The following KCNIP4 variants were observed in gnomAD, a reference collection of about 807,000 sequenced individuals.
The protein encoded by KCNIP4 is potassium voltage-gated channel interacting protein 4.
KCNIP4 carries 12 observed loss-of-function variants against 34.0 expected under a neutral mutation model. The observed-to-expected ratio is 0.35, with a 90% CI of 0.23 to 0.57. The LOEUF (loss-of-function observed/expected upper bound fraction) is 0.57, where lower values mean the gene tolerates loss of function less well. Ranked by LOEUF, KCNIP4 falls within the 20% of genes least tolerant of loss-of-function variation. The probability of loss-of-function intolerance (pLI) is 0.83; values close to 1 mark genes in which losing one functional copy is unlikely to be tolerated. For missense variants in KCNIP4, 238 were observed against 311.7 expected, an observed-to-expected ratio of 0.76 and a Z score of 1.78; for synonymous variants, 124 against 102.2, an observed-to-expected ratio of 1.21 and a Z score of -1.29.
chr4:21,743,246 C>T (rs1426211781), intron 1 of KCNIP4, among the ~76,000 whole-genome samples: 1 of 152,066 alleles, frequency 6.6e-6, no homozygotes, highest in Non-Finnish European at 1.5e-5. Context: ...GGGTTGCATT[C>T]CTTCTGGAGG....
chr4:21,173,919 T>C (rs147212377), intron 1 of KCNIP4, among the ~76,000 whole-genome samples: 68 of 152,350 alleles, frequency 4.5e-4, no homozygotes, highest in African/African-American at 1.5e-3. Flanking sequence ...CTCTTGCTTA[T>C]GCTAAGGAGC....
chr4:21,061,822 A>G (rs540700527), intron 1 of KCNIP4, among the ~76,000 whole-genome samples: 1 of 152,132 alleles, frequency 6.6e-6, no homozygotes, highest in African/African-American at 2.4e-5. Flanking sequence ...TAATTAAGTT[A>G]AAATAGAGTC....
At chr4:20,977,409 A>T (rs746020259) in intron 1 of KCNIP4, among the ~76,000 whole-genome samples, 13 of 152,268 alleles carry the variant, frequency 8.5e-5, no homozygotes, top group Middle Eastern at 3.4e-3. Flanking sequence ...TCTCTGCAGC[A>T]TGTATTCTCT....
chr4:21,696,853 G>T (rs1712365264), intron 1 of KCNIP4, among the ~76,000 whole-genome samples: 1 of 152,014 alleles, frequency 6.6e-6, no homozygotes. Flanking sequence ...CTCACATTTT[G>T]CAAGGAACCC....
chr4:21,720,529 T>TTTTTTTTTTTTC (rs1714742217), intron 1 of KCNIP4, among the ~76,000 whole-genome samples: 1 of 107,474 alleles, frequency 9.3e-6, no homozygotes, highest in Non-Finnish European at 1.7e-5. Flanking sequence ...CTGTTTTTTT[T>TTTTTTTTTTTTC]CTTTTTTTTT....
chr4:21,928,701 A>C (rs1729401552), intron 1 of KCNIP4, among the ~76,000 whole-genome samples: 1 of 152,106 alleles, frequency 6.6e-6, no homozygotes, highest in Non-Finnish European at 1.5e-5. Context: ...GATTAAGCAA[A>C]GGATTATAAA....
intron 1 of KCNIP4, among the ~76,000 whole-genome samples, chr4:20,912,780 G>C (rs1027222408): frequency 6.6e-6 from 1 of 152,070 alleles, no homozygotes; most frequent in Non-Finnish European, 1.5e-5. Context: ...CACCTGTAAG[G>C]ATGCTCAAAA....
chr4:20,734,793 A>AAAAC (rs59030794), intron 5 of KCNIP4, 58 bp from the exon 6 acceptor site: 271,906 of 980,736 alleles, frequency 0.28, 44,122 homozygotes, highest in African/African-American at 0.43. Context: ...AAAAACAAAA[A>AAAAC]AAACAAATGA....
At chr4:21,697,784 C>T in intron 1 of KCNIP4, 1 of 462,536 alleles carries the variant, frequency 2.2e-6, no homozygotes, top group Middle Eastern at 8.9e-4. Flanking sequence ...TGCAACCTCA[C>T]AGACCATTCA....
At chr4:21,708,320 T>G (rs140230253) in intron 1 of KCNIP4, among the ~76,000 whole-genome samples, 193 of 152,274 alleles carry the variant, frequency 1.3e-3, no homozygotes, top group Middle Eastern at 6.8e-3. Flanking sequence ...GTACAATGTT[T>G]GGCCTATTTG....
intron 1 of KCNIP4, among the ~76,000 whole-genome samples, chr4:21,615,236 C>T (rs971259937): frequency 1.3e-5 from 2 of 151,796 alleles, no homozygotes; most frequent in African/African-American, 4.8e-5. Flanking sequence ...CTAGAAATAA[C>T]TTTAAAAACA....
chr4:21,535,291 AG>A (rs1737060964), intron 1 of KCNIP4, among the ~76,000 whole-genome samples: 1 of 152,180 alleles, frequency 6.6e-6, no homozygotes, highest in African/African-American at 2.4e-5. Flanking sequence ...TGTATAGAAA[AG>A]TCTACTCAGA....
rs148388297 is a variant in KCNIP4 at position 21,240,994 on chromosome 4, G to A, written c.62-358285C>T. Among the ~76,000 whole-genome samples, 7 of 152,114 alleles carry A rather than the reference G, an allele frequency of 4.6e-5. No individual in the cohort carries two copies. The South Asian group carries it at 1.0e-3, about 23-fold the overall frequency. ...AAGTGCAAAATAAGAACCAAATTAG[G>A]CCAAAATAAGGAACTAGTTAGATAA... On this transcript the variant is annotated intron_variant, in intron 1 of 8. Coordinates refer to ENST00000382152, the MANE Select transcript of KCNIP4 (RefSeq NM_025221.6).
intron 1 of KCNIP4, among the ~76,000 whole-genome samples, chr4:21,425,614 G>A (rs1725861016): frequency 6.6e-6 from 1 of 152,046 alleles, no homozygotes; most frequent in South Asian, 2.1e-4. Context: ...ATATGCACAC[G>A]TCATTAACAC....
At chr4:21,900,377 C>A (rs1021618660) in intron 1 of KCNIP4, among the ~76,000 whole-genome samples, 2 of 152,148 alleles carry the variant, frequency 1.3e-5, no homozygotes, top group Non-Finnish European at 2.9e-5. Context: ...AATAATAGAG[C>A]TTCTCCACTA....
intron 1 of KCNIP4, among the ~76,000 whole-genome samples, chr4:20,949,870 AG>A (rs1271558894): frequency 9.9e-4 from 26 of 26,136 alleles, no homozygotes; most frequent in African/African-American, 3.1e-3. Context: ...GGGTGGGGGG[AG>A]GGGGGAGGGA....
intron 1 of KCNIP4, among the ~76,000 whole-genome samples, chr4:21,179,110 C>T (rs867186353): frequency 2.0e-5 from 3 of 152,180 alleles, no homozygotes; most frequent in South Asian, 2.1e-4. Flanking sequence ...AGCCACCACG[C>T]CCAGCAAACA....
chr4:21,862,365 A>AAT (rs927879095), intron 1 of KCNIP4, among the ~76,000 whole-genome samples: 3 of 152,250 alleles, frequency 2.0e-5, no homozygotes, highest in African/African-American at 7.2e-5. Flanking sequence ...AGATGCTGAC[A>AAT]ATATAACTCA....
chr4:21,788,934 G>A (rs111453034), intron 1 of KCNIP4, among the ~76,000 whole-genome samples: 48 of 152,052 alleles, frequency 3.2e-4, no homozygotes, highest in East Asian at 1.9e-3. Context: ...TTAGCCAGGC[G>A]TGGCGGCGCG....
Sources: gnomAD v4.1 joint callset for allele counts (sites outside exome capture counted in the v4.1 genomes callset) on GRCh38, gnomAD v4.1.1 for gene constraint, MANE v1.5 for transcripts, NCBI Gene and HGNC (gene_info 2026-07-23, HGNC 2026-07-21) for gene names.